CACNA1C: variants seen among roughly 807,000 people sequenced by gnomAD.
The protein encoded by CACNA1C is calcium voltage-gated channel subunit alpha1 C.
In CACNA1C, 30 loss-of-function variants were observed where a neutral mutation model predicts 229.0. That is an observed-to-expected ratio of 0.13 (90% CI 0.10 to 0.18). CACNA1C has a LOEUF of 0.18. Among genes scored for constraint, CACNA1C ranks in the 10% least tolerant of loss-of-function variants. CACNA1C has a pLI of 1.00. For missense variants in CACNA1C, 1,658 were observed against 2,845.0 expected, an observed-to-expected ratio of 0.58 and a Z score of 9.49; for synonymous variants, 1,114 against 1,132.5, an observed-to-expected ratio of 0.98 and a Z score of 0.33.
chr12:2,339,695 G>T (rs747390483), intron 3 of CACNA1C, among the ~76,000 whole-genome samples: 8 of 152,024 alleles, frequency 5.3e-5, no homozygotes, highest in African/African-American at 1.9e-4. Context: ...CTAGACCTAC[G>T]CAGGTCATCA....
chr12:2,681,692 T>C (rs2097152533), intron 42 of CACNA1C, among the ~76,000 whole-genome samples: 1 of 151,924 alleles, frequency 6.6e-6, no homozygotes, highest in South Asian at 2.1e-4. Context: ...GGTGGCAGTC[T>C]GCAGTCCTCC....
At chr12:2,362,206 G>A (rs145378555) in intron 3 of CACNA1C, among the ~76,000 whole-genome samples, 15 of 152,306 alleles carry the variant, frequency 9.8e-5, no homozygotes, top group African/African-American at 2.9e-4. Flanking sequence ...CCAGCTCTGA[G>A]GGGGCGTGAA....
At chr12:2,344,699 T>A (rs934476365) in intron 3 of CACNA1C, among the ~76,000 whole-genome samples, 5 of 152,034 alleles carry the variant, frequency 3.3e-5, no homozygotes, top group African/African-American at 1.2e-4. Context: ...CCTATGTGTG[T>A]CCCTGTGTGT....
At chr12:2,396,796 C>A (rs967415789) in intron 3 of CACNA1C, among the ~76,000 whole-genome samples, 1 of 152,238 alleles carries the variant, frequency 6.6e-6, no homozygotes, top group Non-Finnish European at 1.5e-5. Flanking sequence ...CCAAGCCTGG[C>A]CGAGCCACAC....
At chr12:2,200,008 T>C (rs1033022126) in intron 3 of CACNA1C, among the ~76,000 whole-genome samples, 8 of 152,224 alleles carry the variant, frequency 5.3e-5, no homozygotes, top group African/African-American at 1.9e-4. Flanking sequence ...AATGATCTCA[T>C]TTATTTACTT....
chr12:2,038,639 T>C (rs1030604238), intron 1 of CACNA1C, among the ~76,000 whole-genome samples: 1 of 152,234 alleles, frequency 6.6e-6, no homozygotes, highest in Admixed American at 6.5e-5. Context: ...GAGATATGAT[T>C]CAGGAACTAT....
intron 3 of CACNA1C, among the ~76,000 whole-genome samples, chr12:2,135,978 C>G (rs1449867290): frequency 6.7e-6 from 1 of 150,324 alleles, no homozygotes; most frequent in Non-Finnish European, 1.5e-5. Context: ...GCGTAGGACC[C>G]TCCGAGCCAG....
chr12:2,195,726 C>G (rs539224001), intron 3 of CACNA1C, among the ~76,000 whole-genome samples: 36 of 152,320 alleles, frequency 2.4e-4, no homozygotes, highest in Non-Finnish European at 4.4e-4. Context: ...TTATATTACT[C>G]TAGCTCTCGC....
intron 3 of CACNA1C, among the ~76,000 whole-genome samples, chr12:2,406,782 G>C (rs1468327084): frequency 6.6e-6 from 1 of 152,200 alleles, no homozygotes; most frequent in Admixed American, 6.5e-5. Flanking sequence ...TGTCATCCAA[G>C]TGCCTTTTCT....
chr12:2,067,077 G>A lies in CACNA1C; in HGVS notation c.49+13466G>A, dbSNP rs1039972955. 1.3e-5 allele frequency among the ~76,000 whole-genome samples: 2 copies of A among 152,196 alleles called. No individual in the cohort carries two copies. The highest frequency in any genetic ancestry group is 2.9e-5 in the Non-Finnish European group (2 of 68,022). Reference sequence around the variant, plus strand: ...GCCAGGAGTGATTGGCATTCCTAGAGAAAGCTTCCCCAGAAATGAATTTGG... The same window carrying A: ...GCCAGGAGTGATTGGCATTCCTAGAAAAAGCTTCCCCAGAAATGAATTTGG... On this transcript the variant is annotated intron_variant, in intron 1 of 46. Transcript: ENST00000399655. This position sits in a 1 kb window ranked among gnomAD's most constrained non-coding sequence, Gnocchi z 5.3.
chr12:2,606,981 C>T lies in CACNA1C; in HGVS notation c.3210-3C>T, dbSNP rs750874261. On this transcript the variant is annotated splice_polypyrimidine_tract_variant and splice_region_variant and intron_variant, in intron 25 of 46. Coordinates refer to ENST00000399655, the MANE Select transcript of CACNA1C (RefSeq NM_000719.7). Reference sequence around the variant, plus strand: ...GAGTAAACTCCTTCTCCTCCTCTCTCAGGGGCAACTACATCACGTACAAAG... The same window carrying T: ...GAGTAAACTCCTTCTCCTCCTCTCTTAGGGGCAACTACATCACGTACAAAG... 9 of 1,613,568 alleles carry T rather than the reference C, an allele frequency of 5.6e-6. No individual in the cohort carries two copies. In the East Asian group the frequency reaches 1.8e-4, roughly 32 times the overall value.
In CACNA1C at chr12:2,626,879, A is replaced by T. The variant is rs1378270190; in HGVS notation, c.3829-7418A>T. ...AGTTACAGGCCTCTAGTAAGTGCTT[A>T]TTATGTGTTGATGAGATAAATAAAT... is the stretch of plus-strand genomic sequence containing the variant. On this transcript the variant is annotated intron_variant, in intron 29 of 46. Transcript: ENST00000399655. 2.6e-5 allele frequency among the ~76,000 whole-genome samples: 4 copies of T among 152,322 alleles called. No individual in the cohort carries two copies. In the East Asian group the frequency reaches 5.8e-4, roughly 22 times the overall value.
At chr12:2,469,189 GA>G (rs1366062520) in intron 5 of CACNA1C, among the ~76,000 whole-genome samples, 4 of 152,124 alleles carry the variant, frequency 2.6e-5, no homozygotes, top group Non-Finnish European at 5.9e-5. Flanking sequence ...CATTAGCCAG[GA>G]GAAATGGTTC....
At chr12:2,117,564 C>T (rs2084483421) in intron 2 of CACNA1C, among the ~76,000 whole-genome samples, 1 of 152,246 alleles carries the variant, frequency 6.6e-6, no homozygotes, top group Admixed American at 6.5e-5. Context: ...ACGCAGCTGG[C>T]AACTGACAGA....
chr12:2,588,013 C>A (rs1178691083), intron 18 of CACNA1C, among the ~76,000 whole-genome samples: 1 of 152,200 alleles, frequency 6.6e-6, no homozygotes, highest in Non-Finnish European at 1.5e-5. Flanking sequence ...ATCACTCTGC[C>A]CCCAAAGGCT....
At chr12:1,977,195 A>G (rs892845721) in intron 1 of CACNA1C, among the ~76,000 whole-genome samples, 1 of 152,206 alleles carries the variant, frequency 6.6e-6, no homozygotes, top group Non-Finnish European at 1.5e-5. Flanking sequence ...AAGTTGGAAG[A>G]GCTTTTATTC....
At chr12:2,123,012 A>T (rs1289709228) in intron 3 of CACNA1C, among the ~76,000 whole-genome samples, 2 of 152,192 alleles carry the variant, frequency 1.3e-5, no homozygotes, top group Non-Finnish European at 2.9e-5. Flanking sequence ...CTTTGGGAAC[A>T]ACCGGCCTCT....
rs753527064 is a variant in CACNA1C, at chr12:2,633,156, A to G, written c.3829-1141A>G. Reference sequence around the variant, plus strand: ...GCCTTTTTCATTCCCAGCTTCACCCATAGGACCGAGCCCGCTACCCTCTGA... The same window carrying G: ...GCCTTTTTCATTCCCAGCTTCACCCGTAGGACCGAGCCCGCTACCCTCTGA... On this transcript the variant is annotated intron_variant, in intron 29 of 46. Coordinates refer to ENST00000399655, the MANE Select transcript of CACNA1C (RefSeq NM_000719.7). This position sits in a 1 kb window ranked among gnomAD's most constrained non-coding sequence, Gnocchi z 5.8. Among the ~76,000 whole-genome samples, 13 of 152,042 alleles carry G rather than the reference A, an allele frequency of 8.6e-5. No homozygotes were observed. Among genetic ancestry groups the G allele is most frequent in the Non-Finnish European group, 1.9e-4 (13 of 68,004 alleles).
intron 3 of CACNA1C, among the ~76,000 whole-genome samples, chr12:2,145,105 G>A (rs2094583077): frequency 6.6e-6 from 1 of 151,350 alleles, no homozygotes; most frequent in African/African-American, 2.4e-5. Flanking sequence ...CTGTTGGTGA[G>A]ATGCTGAGCT....
Sources: allele counts gnomAD v4.1 joint callset (sites outside exome capture counted in the v4.1 genomes callset), GRCh38; gene constraint gnomAD v4.1.1; non-coding constraint Gnocchi (gnomAD v3.1); transcripts MANE v1.5; gene names NCBI Gene and HGNC (gene_info 2026-07-23, HGNC 2026-07-21).